PTPRB: variants seen among roughly 807,000 people sequenced by gnomAD.
PTPRB encodes receptor-type tyrosine-protein phosphatase beta.
In PTPRB, 97 loss-of-function variants were observed where a neutral mutation model predicts 238.1. The ratio of observed to expected loss-of-function variants is 0.41; its 90% CI spans 0.35 to 0.48. The LOEUF (loss-of-function observed/expected upper bound fraction) is 0.48, where lower values mean the gene tolerates loss of function less well. Ranked by LOEUF, PTPRB falls within the 20% of genes least tolerant of loss-of-function variation. The pLI, the probability that PTPRB is intolerant of heterozygous loss-of-function variation, is 0.30. For missense variants in PTPRB, 2,292 were observed against 2,681.9 expected, an observed-to-expected ratio of 0.85 and a Z score of 3.21; for synonymous variants, 970 against 995.4, an observed-to-expected ratio of 0.97 and a Z score of 0.48.
chr12:70,596,161 T>C lies in PTPRB; in HGVS notation c.1146A>G (p.Ser382=). The C allele has an allele frequency of 6.2e-7, 1 of 1,613,700 alleles. No homozygotes were observed. Among genetic ancestry groups the C allele is most frequent in the Non-Finnish European group, 8.5e-7 (1 of 1,179,714 alleles). Reference sequence around the variant, plus strand: ...GATTGAAAAAAGTGTATTCATTCCATGAAGTACTTTCTTGAATTTGAACCC... The same window carrying C: ...GATTGAAAAAAGTGTATTCATTCCACGAAGTACTTTCTTGAATTTGAACCC... ...IQGVQIQEST[S]WNEYTFFNLT... Residue 382 remains serine (S), a synonymous_variant, in exon 5 of 34, where the codon TCA becomes TCG. Coordinates refer to ENST00000334414, the MANE Select transcript of PTPRB (RefSeq NM_001109754.4).
intron 18 of PTPRB, 176 bp downstream of exon 18, chr12:70,559,167 C>A (rs1565941774): frequency 8.9e-6 from 6 of 673,028 alleles, no homozygotes; most frequent in Non-Finnish European, 1.5e-5. Context: ...GATTTATTGT[C>A]CCTTGTTGTT....
chr12:70,604,400 GA>G (rs1298945950), intron 4 of PTPRB, among the ~76,000 whole-genome samples: 2 of 152,056 alleles, frequency 1.3e-5, no homozygotes, highest in African/African-American at 4.8e-5. Context: ...ACAAATAATA[GA>G]AAAATTATGT....
rs111874833 is a variant in PTPRB at position 70,559,409 on chromosome 12, C to T, written c.4648G>A (p.Val1550Ile). Residue 1550 changes from valine to isoleucine, a missense_variant, in exon 18 of 34, where the codon GTC becomes ATC. Physicochemically the swap from Val to Ile is conservative, Grantham distance 29 (BLOSUM62 3). Around this residue, in one of 4 missense-constraint regions of PTPRB, gnomAD observed 683 missense variants for 862.0 expected, o/e 0.79. Coordinates refer to ENST00000334414, the MANE Select transcript of PTPRB (RefSeq NM_001109754.4). ...LRPGRSYQFN[V>I]KTVSGDSWKT... ...CAGGAATCACCACTGACAGTCTTGA[C>T]GTTGAATTGATAGGATCTCCCTGGA... The T allele has an allele frequency of 5.1e-3, 8,257 of 1,613,876 alleles. 41 individuals are homozygous for T. The highest frequency in any genetic ancestry group is 9.7e-3 in the Middle Eastern group (59 of 6,060).
At chr12:70,575,620 T>A (rs1326267103) in intron 11 of PTPRB, among the ~76,000 whole-genome samples, 1 of 152,128 alleles carries the variant, frequency 6.6e-6, no homozygotes, top group Non-Finnish European at 1.5e-5. Flanking sequence ...CAGAACCTCA[T>A]GGAAAAACTG....
At chr12:70,619,280 A>T (rs971153248) in intron 3 of PTPRB, among the ~76,000 whole-genome samples, 3 of 150,344 alleles carry the variant, frequency 2.0e-5, no homozygotes, top group Admixed American at 6.7e-5. Context: ...TAAAACAGAG[A>T]TAGTGGGTGG....
chr12:70,535,224 GTTTTTTTTTTTT>G (rs71457059), intron 29 of PTPRB, among the ~76,000 whole-genome samples: 1 of 81,984 alleles, frequency 1.2e-5, no homozygotes, highest in Non-Finnish European at 2.4e-5. Flanking sequence ...TATGGCTTGA[GTTTTTTTTTTTT>G]TTTTTTTTTT....
intron 3 of PTPRB, 108 bp from the exon 4 acceptor site, chr12:70,609,447 C>A (rs1592587530): frequency 7.1e-7 from 1 of 1,410,316 alleles, no homozygotes. Context: ...TATCCTTTGT[C>A]CCTTGCCTCA....
intron 18 of PTPRB, 77 bp downstream of exon 18, chr12:70,559,266 G>T: frequency 7.1e-7 from 1 of 1,416,522 alleles, no homozygotes; most frequent in Non-Finnish European, 9.9e-7. Context: ...TTTAATCCAA[G>T]CCCTATTTGA....
chr12:70,537,007 G>A (rs949035108), intron 28 of PTPRB, among the ~76,000 whole-genome samples: 1 of 152,150 alleles, frequency 6.6e-6, no homozygotes, highest in Admixed American at 6.5e-5. Context: ...AGACTCGGCC[G>A]GGCGCAGTGG....
intron 4 of PTPRB, among the ~76,000 whole-genome samples, chr12:70,605,607 T>C (rs1883883543): frequency 6.6e-6 from 1 of 152,230 alleles, no homozygotes; most frequent in African/African-American, 2.4e-5. Flanking sequence ...ATGAATGAAG[T>C]GGTATTCCAG....
chr12:70,619,533 G>A (rs971482774), intron 3 of PTPRB, among the ~76,000 whole-genome samples: 7 of 152,094 alleles, frequency 4.6e-5, no homozygotes, highest in African/African-American at 1.7e-4. Context: ...CCAGAGCCTC[G>A]GCCTCAAAAG....
intron 29 of PTPRB, among the ~76,000 whole-genome samples, chr12:70,535,415 A>G (rs1020342961): frequency 6.6e-6 from 1 of 151,868 alleles, no homozygotes; most frequent in African/African-American, 2.4e-5. Context: ...GTGCCAAGAG[A>G]TCTTTGAGAA....
chr12:70,561,218 T>A (rs1878441204), intron 16 of PTPRB, among the ~76,000 whole-genome samples: 1 of 152,200 alleles, frequency 6.6e-6, no homozygotes, highest in East Asian at 1.9e-4. Context: ...CGTTGTCATT[T>A]AGCTTATGAA....
intron 9 of PTPRB, 74 bp downstream of exon 9, chr12:70,586,933 C>G: frequency 7.0e-7 from 1 of 1,432,348 alleles, no homozygotes; most frequent in Non-Finnish European, 9.6e-7. Context: ...TTAATGAATA[C>G]TTGTAAATTG....
At chr12:70,556,289 C>G (rs761893526) in intron 18 of PTPRB, 141 bp from the exon 19 acceptor site, 4 of 774,738 alleles carry the variant, frequency 5.2e-6, no homozygotes, top group Non-Finnish European at 8.1e-6. Context: ...CTCACCCTAG[C>G]AGAGACACAT....
chr12:70,555,139 A>G (rs1877457804), intron 20 of PTPRB, 21 bp downstream of exon 20: 1 of 1,610,120 alleles, frequency 6.2e-7, no homozygotes, highest in Admixed American at 1.7e-5. Context: ...CTCAGAGTGG[A>G]GTTAACTCAT....
chr12:70,532,831 A>C (rs1873499099), intron 31 of PTPRB, among the ~76,000 whole-genome samples: 1 of 152,178 alleles, frequency 6.6e-6, no homozygotes, highest in Middle Eastern at 3.4e-3. Context: ...ACTTGTAGAG[A>C]TAAGGTCTCC....
chr12:70,527,032 A>G (rs1317001748), intron 32 of PTPRB, among the ~76,000 whole-genome samples: 2 of 152,222 alleles, frequency 1.3e-5, no homozygotes, highest in African/African-American at 4.8e-5. Context: ...AAGTAGACAA[A>G]ATATATGAAT....
At chr12:70,637,044 T>C (rs970523060) in intron 1 of PTPRB, among the ~76,000 whole-genome samples, 5 of 152,156 alleles carry the variant, frequency 3.3e-5, no homozygotes, top group East Asian at 3.9e-4. Flanking sequence ...AGCCACAGAC[T>C]GTTATATAAT....
Sources: allele counts gnomAD v4.1 joint callset (sites outside exome capture counted in the v4.1 genomes callset), GRCh38; gene constraint gnomAD v4.1.1; regional missense constraint gnomAD v4.1.1; transcripts MANE v1.5; gene names NCBI Gene and HGNC (gene_info 2026-07-23, HGNC 2026-07-21).